Variants in GRIK1 observed in about 807,000 individuals in gnomAD.
GRIK1 encodes the protein glutamate receptor ionotropic, kainate 1.
In GRIK1, 69 loss-of-function variants were observed where a neutral mutation model predicts 105.7. That is an observed-to-expected ratio of 0.65 (90% confidence interval 0.54 to 0.80). The LOEUF is 0.80. Among genes scored for constraint, GRIK1 ranks in the 30% least tolerant of loss-of-function variants. The pLI is 0.00. For missense variants in GRIK1, 1,109 were observed against 1,167.3 expected (o/e 0.95, Z 0.73); for synonymous variants, 438 against 431.3 (o/e 1.02, Z -0.19).
chr21:29,689,953 G>T lies in GRIK1; in HGVS notation c.319C>A (p.Leu107Ile). 1.2e-6 allele frequency: 2 copies of T among 1,605,744 alleles called. No individual in the cohort carries two copies. Among genetic ancestry groups the T allele is most frequent in the South Asian group, 1.1e-5 (1 of 90,984 alleles). Residue 107 changes from leucine to isoleucine, a missense_variant, in exon 3 of 18, where the codon CTC (leucine) becomes ATC (isoleucine). By Grantham distance (5) the Leu-to-Ile change is conservative. Around this residue, in one of 5 missense-constraint regions of GRIK1, gnomAD observed 612 missense variants for 586.0 expected, o/e 1.04. Transcript: ENST00000327783. The part of the protein sequence containing the change: ...CDQLALGVAA[L>I]FGPSHSSSVS... Reference sequence around the variant, plus strand: ...GAGGAGCTATGGGAAGGGCCAAAGAGAGCAGCCACACCAAGAGCCAGCTGG... The same window carrying T: ...GAGGAGCTATGGGAAGGGCCAAAGATAGCAGCCACACCAAGAGCCAGCTGG...
At chr21:29,875,340 G>A (rs1048031891) in intron 1 of GRIK1, among the ~76,000 whole-genome samples, 2 of 152,138 alleles carry the variant, frequency 1.3e-5, no homozygotes, top group Non-Finnish European at 2.9e-5. Context: ...TTTCCTAAAT[G>A]TCAGGAGTCT....
intron 14 of GRIK1, among the ~76,000 whole-genome samples, chr21:29,563,179 C>T (rs115112016): frequency 4.6e-5 from 7 of 152,100 alleles, no homozygotes; most frequent in African/African-American, 7.2e-5. Context: ...GCACCATCTC[C>T]GTAGTTCAGG....
intron 1 of GRIK1, among the ~76,000 whole-genome samples, chr21:29,792,154 A>ATATGTGTATATG (rs575603802): frequency 6.6e-6 from 1 of 152,100 alleles, no homozygotes; most frequent in Admixed American, 6.6e-5. Context: ...TGTATTGTGT[A>ATATGTGTATATG]TATGTGTATA....
At chr21:29,669,181 G>A (rs2063118147) in intron 4 of GRIK1, among the ~76,000 whole-genome samples, 1 of 152,292 alleles carries the variant, frequency 6.6e-6, no homozygotes, top group East Asian at 1.9e-4. Context: ...CTTTGCTGGA[G>A]TAATTAGCAT....
At chr21:29,774,026 G>T (rs962608018) in intron 1 of GRIK1, among the ~76,000 whole-genome samples, 1 of 152,090 alleles carries the variant, frequency 6.6e-6, no homozygotes, top group Non-Finnish European at 1.5e-5. Context: ...ACAAAGATAA[G>T]GAACTAATAT....
chr21:29,602,510 T>G (rs1452163106), intron 7 of GRIK1, among the ~76,000 whole-genome samples: 1 of 152,136 alleles, frequency 6.6e-6, no homozygotes, highest in Non-Finnish European at 1.5e-5. Flanking sequence ...GGTTTGAGGA[T>G]AAAGATTTGC....
intron 1 of GRIK1, among the ~76,000 whole-genome samples, chr21:29,823,170 A>G (rs1017694126): frequency 2.6e-5 from 4 of 151,986 alleles, no homozygotes; most frequent in African/African-American, 9.7e-5. Flanking sequence ...TTACTCCAAT[A>G]TTGGTAGAAT....
intron 1 of GRIK1, among the ~76,000 whole-genome samples, chr21:29,900,820 A>T (rs1279512757): frequency 6.6e-6 from 1 of 152,180 alleles, no homozygotes. Flanking sequence ...TCTACCCCAA[A>T]TCAGCAAAAT....
intron 1 of GRIK1, among the ~76,000 whole-genome samples, chr21:29,751,539 C>T (rs988458699): frequency 2.0e-5 from 3 of 152,130 alleles, no homozygotes; most frequent in South Asian, 4.2e-4. Context: ...GGGGAGTGAG[C>T]GTGTGTTATT....
chr21:29,764,601 TG>T (rs2065611027), intron 1 of GRIK1, among the ~76,000 whole-genome samples: 1 of 152,228 alleles, frequency 6.6e-6, no homozygotes, highest in African/African-American at 2.4e-5. Context: ...ATCCAAAGTT[TG>T]ATGTCCAAAT....
intron 1 of GRIK1, among the ~76,000 whole-genome samples, chr21:29,715,336 G>C (rs750913067): frequency 6.6e-6 from 1 of 152,120 alleles, no homozygotes; most frequent in South Asian, 2.1e-4. Context: ...GTGGAAAGGG[G>C]CTTACACCAT....
intron 6 of GRIK1, among the ~76,000 whole-genome samples, chr21:29,649,252 ACTGGGGC>A (rs2062678422): frequency 6.6e-6 from 1 of 152,236 alleles, no homozygotes; most frequent in Non-Finnish European, 1.5e-5. Flanking sequence ...TACAACTCAT[ACTGGGGC>A]CTGCATCCTA....
intron 7 of GRIK1, among the ~76,000 whole-genome samples, chr21:29,641,254 A>G (rs1337429502): frequency 1.3e-5 from 2 of 152,086 alleles, no homozygotes; most frequent in East Asian, 3.9e-4. Context: ...TGTGGGAGGG[A>G]CCCAGTAGCA....
At chr21:29,634,122 A>C (rs571037284) in intron 7 of GRIK1, among the ~76,000 whole-genome samples, 48 of 152,312 alleles carry the variant, frequency 3.2e-4, no homozygotes, top group African/African-American at 1.1e-3. Context: ...AACCAACCAA[A>C]CAAACAAAAA....
At chr21:29,914,710 C>T (rs461314) in intron 1 of GRIK1, among the ~76,000 whole-genome samples, 35,486 of 151,888 alleles carry the variant, frequency 0.23, 4,946 homozygotes, top group African/African-American at 0.39. Flanking sequence ...GGGGCAGAAC[C>T]TTTTGAGATC....
In GRIK1 at chr21:29,899,906, A is replaced by G. The variant is rs538396953; in HGVS notation, c.118+39477T>C. On this transcript the variant is annotated intron_variant, in intron 1 of 17. Coordinates refer to ENST00000327783, the MANE Select transcript of GRIK1 (RefSeq NM_001330994.2). ...ACTAAATGCTTATTACATATTCAGT[A>G]CAAAAACACACTGATTCCTTTAGTT... Among the ~76,000 whole-genome samples the G allele has an allele frequency of 9.2e-5, 14 of 152,282 alleles. No individual in the cohort carries two copies. In the South Asian group the frequency reaches 1.9e-3, roughly 20 times the overall value.
At chr21:29,801,420 A>G (rs1325371703) in intron 1 of GRIK1, among the ~76,000 whole-genome samples, 3 of 152,146 alleles carry the variant, frequency 2.0e-5, no homozygotes, top group Non-Finnish European at 4.4e-5. Flanking sequence ...CTTAAATCAA[A>G]TACCCAAACT....
At chr21:29,789,039 T>C (rs2066339638) in intron 1 of GRIK1, among the ~76,000 whole-genome samples, 1 of 152,176 alleles carries the variant, frequency 6.6e-6, no homozygotes, top group Non-Finnish European at 1.5e-5. Context: ...AAATAATGGG[T>C]TTACTTCAAA....
chr21:29,893,033 A>G (rs975207397), intron 1 of GRIK1, among the ~76,000 whole-genome samples: 1 of 152,236 alleles, frequency 6.6e-6, no homozygotes, highest in African/African-American at 2.4e-5. Context: ...TTAGCTGGGC[A>G]TGGTGACACA....
Sources: allele counts gnomAD v4.1 joint callset (sites outside exome capture counted in the v4.1 genomes callset), GRCh38; gene constraint gnomAD v4.1.1; regional missense constraint gnomAD v4.1.1; transcripts MANE v1.5; gene names NCBI Gene and HGNC (gene_info 2026-07-23, HGNC 2026-07-21).